RNH1: variants seen among roughly 807,000 people sequenced by gnomAD.
RNH1 encodes ribonuclease inhibitor.
A neutral mutation model predicts 46.1 loss-of-function variants in RNH1; 38 were observed. The ratio of observed to expected loss-of-function variants is 0.82; its 90% CI spans 0.64 to 1.08. RNH1 has a LOEUF of 1.08. Ranked by LOEUF, RNH1 falls within the 50% of genes least tolerant of loss-of-function variation. RNH1 has a pLI of 0.00. For synonymous variants in RNH1, 319 were observed against 279.1 expected (o/e 1.14, Z -1.43); for missense variants, 577 against 590.7 (o/e 0.98, Z 0.24).
In RNH1 at chr11:500,701, C is replaced by T. The variant is rs756877687; in HGVS notation, c.102-47G>A. 14 of 1,593,936 alleles carry T rather than the reference C, an allele frequency of 8.8e-6. No individual in the cohort carries two copies. The South Asian group carries it at 1.4e-4, about 16-fold the overall frequency. Reference sequence around the variant, plus strand: ...ATGTGGACCACGCAGACAGCACTGGCCTCAGCCTCCACCACCACCCCACGT... The same window carrying T: ...ATGTGGACCACGCAGACAGCACTGGTCTCAGCCTCCACCACCACCCCACGT... On this transcript the variant is annotated intron_variant, in intron 3 of 10. Transcript: ENST00000354420.
In RNH1 at chr11:500,476, C is replaced by T. The variant is rs772075320; in HGVS notation, c.272+8G>A. 6.2e-6 allele frequency: 10 copies of T among 1,602,074 alleles called. No homozygotes were observed. In the South Asian group the frequency reaches 8.8e-5, roughly 14 times the overall value. On this transcript the variant is annotated splice_region_variant and intron_variant, in intron 4 of 10. Transcript: ENST00000354420. The stretch of plus-strand genomic sequence containing the variant: ...CCAGGCCAGAGGCAGTGCCAGGCCC[C>T]GCCTCACCTCAGCTTCTGGATCTTG...
At chr11:506,961 G>GCCCCGCCCGA (rs1387234957) in intron 1 of RNH1, 152 bp downstream of exon 1, 1 of 152,148 alleles carries the variant, frequency 6.6e-6, no homozygotes, top group Non-Finnish European at 1.5e-5. Context: ...CCGGACCCCT[G>GCCCCGCCCGA]CCCCGCCCGA....
In RNH1 at chr11:501,063, G is replaced by C; in HGVS notation, c.102-409C>G. On this transcript the variant is annotated intron_variant, in intron 3 of 10. Coordinates refer to ENST00000354420, the MANE Select transcript of RNH1 (RefSeq NM_203387.3). This position sits in a 1 kb window ranked among gnomAD's most constrained non-coding sequence, Gnocchi z 4.1. The stretch of plus-strand genomic sequence containing the variant: ...GGATCACTTGAGCCCAGGAGGTTGA[G>C]GCCGCATAAGCCATGAGGGAGCCAC... 2 of 354,446 alleles carry C rather than the reference G, an allele frequency of 5.6e-6. No individual in the cohort carries two copies. The highest frequency in any genetic ancestry group is 1.1e-5 in the Non-Finnish European group (2 of 180,524). 22.0% of individuals were successfully genotyped at this position (354,446 alleles called of 1,614,324 possible).
chr11:505,378 C>T (rs546974600), intron 1 of RNH1: 1 of 152,134 alleles, frequency 6.6e-6, no homozygotes, highest in Non-Finnish European at 1.5e-5. Context: ...TGAAGGCTAC[C>T]CTGGGGTGTC....
intron 3 of RNH1, 27 bp from the exon 4 acceptor site, chr11:500,681 G>C (rs753091133): frequency 1.1e-5 from 18 of 1,600,026 alleles, no homozygotes; most frequent in South Asian, 1.1e-5. Flanking sequence ...GGGTCATGTG[G>C]ACCACGCAGA....
At chr11:495,968 A>T (rs1565014794) in intron 9 of RNH1, among the ~76,000 whole-genome samples, 1 of 152,352 alleles carries the variant, frequency 6.6e-6, no homozygotes, top group East Asian at 1.9e-4. Flanking sequence ...CTGGCTGGTA[A>T]ATGAGAACAT....
In RNH1 at chr11:501,658, G is replaced by C. The variant is rs1849761652; in HGVS notation, c.101+404C>G. The C allele has an allele frequency of 5.0e-6, 1 of 198,632 alleles. No individual in the cohort carries two copies. Among genetic ancestry groups the C allele is most frequent in the African/African-American group, 2.3e-5 (1 of 43,406 alleles). 12.3% of individuals were successfully genotyped at this position (198,632 alleles called of 1,614,324 possible). On this transcript the variant is annotated intron_variant, in intron 3 of 10. Transcript: ENST00000354420. The surrounding 1 kb of genome is among the most constrained non-coding windows in gnomAD (Gnocchi z 4.1). Reference sequence around the variant, plus strand: ...TCGTGTCCTGCTTGTGAAGCTGCTGGGTTTGTGAGGACCTCGAGGGCCGAG... The same window carrying C: ...TCGTGTCCTGCTTGTGAAGCTGCTGCGTTTGTGAGGACCTCGAGGGCCGAG...
chr11:498,176 G>C (rs774256528), intron 8 of RNH1, 35 bp from the exon 9 acceptor site: 1 of 1,579,140 alleles, frequency 6.3e-7, no homozygotes. Flanking sequence ...CCTGGCAGGG[G>C]CCCAGGCTGG....
intron 5 of RNH1, chr11:499,530 G>C: frequency 4.3e-6 from 3 of 698,670 alleles, no homozygotes; most frequent in Non-Finnish European, 7.8e-6. Flanking sequence ...GCGGTGAGTG[G>C]AACCTGACTC....
chr11:502,440 C>T lies in RNH1; in HGVS notation c.-87-191G>A. On this transcript the variant is annotated intron_variant, in intron 2 of 10. Transcript: ENST00000354420. This position sits in a 1 kb window ranked among gnomAD's most constrained non-coding sequence, Gnocchi z 5.8. ...AGCAGAGCTTGGGTAATGCAGATGC[C>T]AGCCCATCTCCTGGCTATCACCACC... is the stretch of plus-strand genomic sequence containing the variant. 1.9e-6 allele frequency: 1 copy of T among 515,290 alleles called. No individual in the cohort carries two copies. The highest frequency in any genetic ancestry group is 3.5e-6 in the Non-Finnish European group (1 of 283,674). The allele number at this position is 515,290 out of a possible 1,614,324, so 31.9% of individuals were successfully genotyped here. A position where few individuals can be genotyped will look rare whatever the true frequency, so the allele number is the denominator to read the frequency against.
At chr11:506,430 G>C (rs1565045630) in intron 1 of RNH1, 1 of 152,176 alleles carries the variant, frequency 6.6e-6, no homozygotes. Flanking sequence ...CGCCAACCCC[G>C]GTGACAACCC....
chr11:505,689 G>A (rs746224176), intron 1 of RNH1: 1 of 152,138 alleles, frequency 6.6e-6, no homozygotes, highest in Non-Finnish European at 1.5e-5. Context: ...GTCCCAAGTA[G>A]CTGGGACTAC....
chr11:498,391 C>A, intron 8 of RNH1, 66 bp downstream of exon 8: 1 of 1,581,046 alleles, frequency 6.3e-7, no homozygotes, highest in Non-Finnish European at 8.6e-7. Flanking sequence ...CACTCCTCCC[C>A]TGGTCTCCTC....
chr11:498,544 C>A lies in RNH1; in HGVS notation c.869G>T (p.Ser290Ile). The A allele has an allele frequency of 1.2e-6, 2 of 1,613,274 alleles. No individual in the cohort carries two copies. The highest frequency in any genetic ancestry group is 1.7e-6 in the Non-Finnish European group (2 of 1,180,024). Residue 290 changes from serine (S) to isoleucine (I), a missense_variant, in exon 8 of 11, where the codon AGC (serine) becomes ATC (isoleucine). Ser to Ile is a moderately radical substitution (Grantham distance 142, BLOSUM62 -2). Transcript: ENST00000354420. ...ATCCCCCAGCTCGTTGCCGGCCAGG[C>A]TGAGCTCCTTCAGGCTCTCCTTGGC... ...LRAKESLKEL[S>I]LAGNELGDEG...
At position 498,522 on chromosome 11, in the gene RNH1, C is replaced by A. The variant is rs1344570834; in HGVS notation, c.891G>T (p.Gly297=). ...CACACAGCAGTCGGGCACCCTCATC[C>A]CCCAGCTCGTTGCCGGCCAGGCTGA... ...KELSLAGNEL[G]DEGARLLCET... Residue 297 remains glycine, a synonymous_variant, in exon 8 of 11, where the codon GGG becomes GGT. Coordinates refer to ENST00000354420, the MANE Select transcript of RNH1 (RefSeq NM_203387.3). 5.0e-6 allele frequency: 8 copies of A among 1,613,340 alleles called. No individual in the cohort carries two copies. Among genetic ancestry groups the A allele is most frequent in the Non-Finnish European group, 6.8e-6 (8 of 1,180,008 alleles).
Position 494,732 on chromosome 11 carries a change from C to A in RNH1, c.1345G>T (p.Ala449Ser). ...WSEEMEDRLQ[A>S]LEKDKPSLRV... ...AGGGATGGCTTGTCCTTCTCCAGGGCCTGCAGCCGGTCCTCCATCTCCTCA... is the reference window on the plus strand; with the variant it reads ...AGGGATGGCTTGTCCTTCTCCAGGGACTGCAGCCGGTCCTCCATCTCCTCA... The change falls in exon 11 of 11, where the codon GCC becomes TCC. Residue 449 changes from alanine (A) to serine (S), a missense_variant. Ala to Ser is a moderately conservative substitution (Grantham distance 99). Coordinates refer to ENST00000354420, the MANE Select transcript of RNH1 (RefSeq NM_203387.3). The A allele has an allele frequency of 6.2e-7, 1 of 1,613,990 alleles. No individual in the cohort carries two copies. The highest frequency in any genetic ancestry group is 8.5e-7 in the Non-Finnish European group (1 of 1,180,002).
rs777101994 is a variant in RNH1, at chr11:498,753, G to C, written c.785+10C>G. The C allele has an allele frequency of 6.3e-7, 1 of 1,593,938 alleles. No individual in the cohort carries two copies. The highest frequency in any genetic ancestry group is 1.3e-5 in the African/African-American group (1 of 74,760). ...CCCTCCGGGAAGGAGGCCTCGCGGA[G>C]ATGACTCACCACAGGGTCCTGAGCC... On this transcript the variant is annotated intron_variant, in intron 7 of 10. Coordinates refer to ENST00000354420, the MANE Select transcript of RNH1 (RefSeq NM_203387.3).
chr11:497,844 A>G (rs950140907), intron 9 of RNH1, 127 bp downstream of exon 9: 9 of 1,165,524 alleles, frequency 7.7e-6, no homozygotes, highest in Admixed American at 4.6e-5. Context: ...CACTCGCCTC[A>G]CCCATGTGTG....
chr11:497,227 A>C (rs1849192585), intron 9 of RNH1, among the ~76,000 whole-genome samples: 1 of 124,306 alleles, frequency 8.0e-6, no homozygotes, highest in African/African-American at 3.3e-5. Flanking sequence ...ACTCTCGCCC[A>C]TGTGCTCACA....
Sources: allele counts gnomAD v4.1 joint callset (sites outside exome capture counted in the v4.1 genomes callset), GRCh38; gene constraint gnomAD v4.1.1; non-coding constraint Gnocchi (gnomAD v3.1); transcripts MANE v1.5; gene names NCBI Gene and HGNC (gene_info 2026-07-23, HGNC 2026-07-21).